The following ADCY2 variants were observed in gnomAD, a reference collection of about 807,000 sequenced individuals.
The protein encoded by ADCY2 is adenylate cyclase 2.
Under a neutral mutation model 125.2 loss-of-function variants are expected in ADCY2, and 31 were observed. The ratio of observed to expected loss-of-function variants is 0.25; its 90% CI spans 0.19 to 0.33. ADCY2 has a LOEUF of 0.33. Among genes scored for constraint, ADCY2 ranks in the 10% least tolerant of loss-of-function variants. The pLI is 1.00. For synonymous variants in ADCY2, 512 were observed against 548.4 expected (o/e 0.93, Z 0.93); for missense variants, 904 against 1,418.2 (o/e 0.64, Z 5.82).
At chr5:7,798,997 C>G (rs990140227) in intron 20 of ADCY2, 2 of 152,172 alleles carry the variant, frequency 1.3e-5, no homozygotes, top group Non-Finnish European at 2.9e-5. Context: ...TAGCCACACT[C>G]CAAAAACTGA....
intron 4 of ADCY2, among the ~76,000 whole-genome samples, chr5:7,689,190 G>C (rs990208513): frequency 2.6e-5 from 4 of 152,122 alleles, no homozygotes; most frequent in Admixed American, 2.0e-4. Flanking sequence ...TCATAACCAA[G>C]ACTTCAACAC....
intron 18 of ADCY2, 99 bp from the exon 19 acceptor site, chr5:7,784,260 GACAGGC>G (rs1744014167): frequency 1.2e-6 from 1 of 822,498 alleles, no homozygotes; most frequent in African/African-American, 1.7e-5. Flanking sequence ...ATATGATGTA[GACAGGC>G]ACTAGAGAAT....
chr5:7,551,658 G>C (rs1735345436), intron 3 of ADCY2, among the ~76,000 whole-genome samples: 1 of 152,170 alleles, frequency 6.6e-6, no homozygotes, highest in Admixed American at 6.5e-5. Flanking sequence ...AACCTCCAAA[G>C]GGTTGAACAG....
intron 2 of ADCY2, among the ~76,000 whole-genome samples, chr5:7,418,295 C>T (rs1041404413): frequency 6.6e-6 from 1 of 152,132 alleles, no homozygotes; most frequent in Non-Finnish European, 1.5e-5. Flanking sequence ...TGAGGCTCAG[C>T]CCAGGTATTC....
Position 7,789,663 on chromosome 5 carries a change from G to C in ADCY2, c.2491G>C (p.Asp831His). ...ACAGAATGAATATTACTGTAGGTTA[G>C]ACTTCTTATGGAAGAACAAATTCAA... ...GRQNEYYCRL[D>H]FLWKNKFKKE... is the part of the protein sequence containing the mutation. Residue 831 changes from aspartate (D) to histidine (H), a missense_variant, in exon 20 of 25, where the codon GAC becomes CAC. Coordinates refer to ENST00000338316, the MANE Select transcript of ADCY2 (RefSeq NM_020546.3). 6.2e-7 allele frequency: 1 copy of C among 1,614,024 alleles called. No individual in the cohort carries two copies. The highest frequency in any genetic ancestry group is 1.3e-5 in the African/African-American group (1 of 75,038).
At chr5:7,579,163 A>C (rs1198693191) in intron 3 of ADCY2, among the ~76,000 whole-genome samples, 1 of 152,218 alleles carries the variant, frequency 6.6e-6, no homozygotes, top group Non-Finnish European at 1.5e-5. Context: ...AATATAAAAC[A>C]AAACCACCTG....
chr5:7,437,163 G>T (rs1483219657), intron 2 of ADCY2, among the ~76,000 whole-genome samples: 3 of 152,216 alleles, frequency 2.0e-5, no homozygotes, highest in African/African-American at 4.8e-5. Context: ...TTTACAAAGT[G>T]CTGGTGTTCA....
intron 18 of ADCY2, among the ~76,000 whole-genome samples, chr5:7,777,201 G>A (rs896619993): frequency 5.3e-5 from 8 of 152,104 alleles, no homozygotes; most frequent in African/African-American, 1.9e-4. Flanking sequence ...CCGGAAAGGT[G>A]GAAGGTACCC....
intron 22 of ADCY2, among the ~76,000 whole-genome samples, chr5:7,813,106 G>T (rs998547598): frequency 1.3e-5 from 2 of 152,210 alleles, no homozygotes; most frequent in Admixed American, 1.3e-4. Context: ...ATCACAGTAT[G>T]CAGTTTTTAT....
At chr5:7,481,319 T>C (rs1293028702) in intron 2 of ADCY2, among the ~76,000 whole-genome samples, 1 of 152,148 alleles carries the variant, frequency 6.6e-6, no homozygotes, top group African/African-American at 2.4e-5. Context: ...CAGGCTGGAG[T>C]GCAGTGGCAC....
At chr5:7,453,586 A>G (rs1436840274) in intron 2 of ADCY2, among the ~76,000 whole-genome samples, 1 of 152,206 alleles carries the variant, frequency 6.6e-6, no homozygotes, top group African/African-American at 2.4e-5. Context: ...AGTGAAATTG[A>G]TTAAAAAGCT....
chr5:7,716,193 C>A (rs755000432), intron 11 of ADCY2, among the ~76,000 whole-genome samples: 5 of 152,098 alleles, frequency 3.3e-5, no homozygotes, highest in African/African-American at 4.8e-5. Context: ...AGATGGTTTG[C>A]AAATAAAAGT....
At chr5:7,797,926 C>G (rs979870809) in intron 20 of ADCY2, 2 of 152,314 alleles carry the variant, frequency 1.3e-5, no homozygotes, top group African/African-American at 4.8e-5. Flanking sequence ...TGGGGGACAC[C>G]AATAGCAGGC....
chr5:7,545,514 C>T (rs552389153), intron 3 of ADCY2, among the ~76,000 whole-genome samples: 12 of 152,298 alleles, frequency 7.9e-5, no homozygotes, highest in South Asian at 6.2e-4. Flanking sequence ...AACAAGCACC[C>T]ATTCTGCTCT....
intron 1 of ADCY2, among the ~76,000 whole-genome samples, chr5:7,403,500 G>T (rs914819197): frequency 6.6e-6 from 1 of 152,098 alleles, no homozygotes; most frequent in Non-Finnish European, 1.5e-5. Flanking sequence ...ATTAATATTT[G>T]ATTCTCAGGC....
At chr5:7,545,067 G>A (rs948002694) in intron 3 of ADCY2, among the ~76,000 whole-genome samples, 1 of 152,168 alleles carries the variant, frequency 6.6e-6, no homozygotes, top group African/African-American at 2.4e-5. Flanking sequence ...GGGAGCCGTA[G>A]TCTGTGGAGC....
At chr5:7,781,683 C>CTAGT (rs1171797916) in intron 18 of ADCY2, among the ~76,000 whole-genome samples, 1 of 152,190 alleles carries the variant, frequency 6.6e-6, no homozygotes, top group Non-Finnish European at 1.5e-5. Context: ...TTTAAGTCAC[C>CTAGT]TAGTTTATGC....
At chr5:7,775,085 C>A (rs1163894863) in intron 18 of ADCY2, among the ~76,000 whole-genome samples, 2 of 152,062 alleles carry the variant, frequency 1.3e-5, no homozygotes, top group Admixed American at 1.3e-4. Context: ...GGGTTCACTG[C>A]AACCTCTGCC....
chr5:7,594,599 A>C (rs1736948690), intron 3 of ADCY2, among the ~76,000 whole-genome samples: 1 of 152,186 alleles, frequency 6.6e-6, no homozygotes, highest in South Asian at 2.1e-4. Flanking sequence ...TTAGTTATTG[A>C]CTTAATTAAT....
Sources: allele counts gnomAD v4.1 joint callset (sites outside exome capture counted in the v4.1 genomes callset), GRCh38; gene constraint gnomAD v4.1.1; transcripts MANE v1.5; gene names NCBI Gene and HGNC (gene_info 2026-07-23, HGNC 2026-07-21).